PAM: variants seen among roughly 807,000 people sequenced by gnomAD.
PAM encodes the protein peptidyl-glycine alpha-amidating monooxygenase.
In PAM, 72 loss-of-function variants were observed where a neutral mutation model predicts 122.1. The ratio of observed to expected loss-of-function variants is 0.59; its 90% CI spans 0.49 to 0.72. The LOEUF (loss-of-function observed/expected upper bound fraction) is 0.72. Ranked by LOEUF, PAM falls within the 30% of genes least tolerant of loss-of-function variation. PAM has a pLI of 0.00. For synonymous variants in PAM, 389 were observed against 404.4 expected (o/e 0.96, Z 0.46); for missense variants, 1,106 against 1,183.7 (o/e 0.93, Z 0.96).
chr5:102,812,655 G>A (rs1768309510), intron 1 of PAM, among the ~76,000 whole-genome samples: 1 of 152,002 alleles, frequency 6.6e-6, no homozygotes, highest in African/African-American at 2.4e-5. Flanking sequence ...ATACCACAGT[G>A]TACAGCAACC....
At chr5:103,008,137 C>A (rs1456380890) in intron 20 of PAM, among the ~76,000 whole-genome samples, 1 of 151,782 alleles carries the variant, frequency 6.6e-6, no homozygotes, top group Non-Finnish European at 1.5e-5. Context: ...GAACTTTTTT[C>A]TCATTTTCAA....
intron 22 of PAM, among the ~76,000 whole-genome samples, chr5:103,019,124 A>C (rs978219426): frequency 2.1e-5 from 3 of 144,662 alleles, no homozygotes; most frequent in African/African-American, 7.6e-5. Flanking sequence ...CAGAAGATGC[A>C]TGTCAGATTT....
At chr5:102,855,805 C>A (rs1362781433) in intron 1 of PAM, among the ~76,000 whole-genome samples, 1 of 152,118 alleles carries the variant, frequency 6.6e-6, no homozygotes, top group East Asian at 1.9e-4. Flanking sequence ...CTTCAGACCA[C>A]ATCCACTGAA....
At chr5:102,971,652 G>A (rs1765869573) in intron 14 of PAM, among the ~76,000 whole-genome samples, 1 of 152,144 alleles carries the variant, frequency 6.6e-6, no homozygotes, top group African/African-American at 2.4e-5. Flanking sequence ...AAGCCAATAT[G>A]AGTGGAACAT....
chr5:102,967,507 T>C (rs918618298), intron 14 of PAM, among the ~76,000 whole-genome samples: 2 of 152,204 alleles, frequency 1.3e-5, no homozygotes, highest in Admixed American at 1.3e-4. Context: ...GCTTATTGAG[T>C]ATCTGCTAGG....
intron 1 of PAM, among the ~76,000 whole-genome samples, chr5:102,831,436 CCTT>C (rs1167535141): frequency 3.8e-5 from 3 of 78,994 alleles, no homozygotes; most frequent in Non-Finnish European, 7.6e-5. Flanking sequence ...CTTTTTTTTT[CCTT>C]TTTTTTTTTA....
intron 1 of PAM, among the ~76,000 whole-genome samples, chr5:102,807,804 G>A (rs186750369): frequency 2.6e-5 from 4 of 152,278 alleles, no homozygotes; most frequent in African/African-American, 9.6e-5. Flanking sequence ...GTTGCTACCT[G>A]GGAGCATTAT....
intron 7 of PAM, among the ~76,000 whole-genome samples, chr5:102,945,260 C>T (rs1381651459): frequency 4.6e-5 from 7 of 151,922 alleles, no homozygotes; most frequent in Non-Finnish European, 1.0e-4. Flanking sequence ...ACTCAGTGAG[C>T]ACTTCGTTGA....
intron 5 of PAM, among the ~76,000 whole-genome samples, chr5:102,920,108 G>A (rs950728461): frequency 3.3e-5 from 5 of 151,972 alleles, no homozygotes; most frequent in Middle Eastern, 3.2e-3. Flanking sequence ...CTTGGTAGTG[G>A]TAATAAACAT....
chr5:102,977,171 A>G (rs746408055), intron 15 of PAM, among the ~76,000 whole-genome samples: 4 of 152,170 alleles, frequency 2.6e-5, no homozygotes, highest in Non-Finnish European at 5.9e-5. Context: ...GGGTGTGACT[A>G]TATGGTAGGC....
intron 4 of PAM, 93 bp from the exon 5 acceptor site, chr5:102,913,841 C>T (rs948579524): frequency 9.9e-6 from 7 of 709,422 alleles, no homozygotes; most frequent in Admixed American, 4.2e-5. Flanking sequence ...CTTTGTTATA[C>T]AGGTATTTGA....
At chr5:102,828,169 T>C (rs1289624542) in intron 1 of PAM, among the ~76,000 whole-genome samples, 1 of 151,904 alleles carries the variant, frequency 6.6e-6, no homozygotes, top group Non-Finnish European at 1.5e-5. Context: ...CGAGACCCTC[T>C]GTCTACTACA....
intron 7 of PAM, among the ~76,000 whole-genome samples, chr5:102,927,794 A>G (rs938418044): frequency 2.0e-5 from 3 of 149,868 alleles, no homozygotes; most frequent in South Asian, 4.2e-4. Flanking sequence ...ATATATATAA[A>G]TGGACCAGCC....
chr5:102,766,342 G>T (rs1753944829), intron 1 of PAM, among the ~76,000 whole-genome samples: 1 of 152,176 alleles, frequency 6.6e-6, no homozygotes, highest in African/African-American at 2.4e-5. Context: ...CCATCTGGGG[G>T]TGATGGGAGA....
intron 1 of PAM, among the ~76,000 whole-genome samples, chr5:102,842,838 A>T (rs1349954257): frequency 6.6e-6 from 1 of 152,216 alleles, no homozygotes; most frequent in African/African-American, 2.4e-5. Context: ...AATAATTTTT[A>T]TGAGCCATAC....
At chr5:102,935,478 T>G (rs1334609743) in intron 7 of PAM, among the ~76,000 whole-genome samples, 1 of 152,144 alleles carries the variant, frequency 6.6e-6, no homozygotes, top group African/African-American at 2.4e-5. Context: ...GCTCTGAGTT[T>G]TTTTGCTATT....
chr5:102,766,926 A>ATTTTTTTTTT lies in PAM; in HGVS notation c.-374+11600_-374+11609dup. Among the ~76,000 whole-genome samples, 228 of 25,846 alleles carry ATTTTTTTTTT rather than the reference A, an allele frequency of 8.8e-3. 68 individuals carry two copies. Among genetic ancestry groups the ATTTTTTTTTT allele is most frequent in the African/African-American group, 0.014 (101 of 7,364 alleles). 17.0% of individuals were successfully genotyped at this position (25,846 alleles called of 152,430 possible). A position where few individuals can be genotyped will look rare whatever the true frequency, so the allele number is the denominator to read the frequency against. Reference sequence around the variant, plus strand: ...ATTTATTTTATTGCTTCAGTTGTGGATTTTTTTTTTTTTTTTTTTTTTTTT... The same window carrying ATTTTTTTTTT: ...ATTTATTTTATTGCTTCAGTTGTGGATTTTTTTTTTTTTTTTTTTTTTTTTTTTTTTTTTT... On this transcript the variant is annotated intron_variant, in intron 1 of 25. Coordinates refer to ENST00000438793, the MANE Select transcript of PAM (RefSeq NM_001177306.2).
chr5:102,809,384 C>CA (rs1278373829), intron 1 of PAM, among the ~76,000 whole-genome samples: 14 of 143,712 alleles, frequency 9.7e-5, no homozygotes, highest in African/African-American at 2.6e-4. Flanking sequence ...AAACAAAAAA[C>CA]AAAAAAACCC....
intron 14 of PAM, among the ~76,000 whole-genome samples, chr5:102,964,887 T>C (rs1164563252): frequency 6.6e-6 from 1 of 151,870 alleles, no homozygotes; most frequent in African/African-American, 2.4e-5. Flanking sequence ...TTCCTGCCTA[T>C]ATCAATTTGA....
Sources: allele counts gnomAD v4.1 joint callset (sites outside exome capture counted in the v4.1 genomes callset), GRCh38; gene constraint gnomAD v4.1.1; transcripts MANE v1.5; gene names NCBI Gene and HGNC (gene_info 2026-07-23, HGNC 2026-07-21).